The following PSEN2 variants were observed in gnomAD, a reference collection of about 807,000 sequenced individuals.
The protein encoded by PSEN2 is presenilin-2.
In PSEN2, 32 loss-of-function variants were observed where a neutral mutation model predicts 49.1. The observed-to-expected ratio is 0.65, with a 90% CI of 0.49 to 0.88. PSEN2 has a LOEUF of 0.88. Ranked by LOEUF, PSEN2 falls within the 40% of genes least tolerant of loss-of-function variation. PSEN2 has a pLI of 0.00. For synonymous variants in PSEN2, 255 were observed against 244.0 expected, an observed-to-expected ratio of 1.05 and a Z score of -0.42; for missense variants, 522 against 586.9, an observed-to-expected ratio of 0.89 and a Z score of 1.14.
chr1:226,871,580 G>C (rs183557498), intron 2 of PSEN2, among the ~76,000 whole-genome samples, 176 bp downstream of exon 2: 1 of 152,334 alleles, frequency 6.6e-6, no homozygotes, highest in African/African-American at 2.4e-5. Flanking sequence ...GAACCTGAGA[G>C]CATTCCATAG....
chr1:226,894,213 G>C (rs1383713135), intron 12 of PSEN2, 88 bp downstream of exon 12: 2 of 937,516 alleles, frequency 2.1e-6, no homozygotes, highest in East Asian at 4.9e-5. Flanking sequence ...GGATCCCTAG[G>C]GATTTTTCAT....
downstream of PSEN2, among the ~76,000 whole-genome samples, chr1:226,900,154 G>T (rs1435701069): frequency 6.6e-6 from 1 of 152,166 alleles, no homozygotes; most frequent in African/African-American, 2.4e-5. Flanking sequence ...ATGGGCCCCG[G>T]GAGGCAGCAG....
At chr1:226,877,696 G>A (rs1182427705) in intron 3 of PSEN2, among the ~76,000 whole-genome samples, 1 of 152,236 alleles carries the variant, frequency 6.6e-6, no homozygotes, top group Admixed American at 6.5e-5. Context: ...CAGCTTCAGG[G>A]GAGGCCTTGG....
intron 6 of PSEN2, among the ~76,000 whole-genome samples, chr1:226,886,569 GA>G (rs1661377710): frequency 6.6e-6 from 1 of 152,230 alleles, no homozygotes; most frequent in South Asian, 2.1e-4. Flanking sequence ...CGATGGAAAG[GA>G]AATTAAGCTG....
At chr1:226,892,839 T>G (rs1454431208) in intron 11 of PSEN2, among the ~76,000 whole-genome samples, 1 of 152,172 alleles carries the variant, frequency 6.6e-6, no homozygotes, top group Non-Finnish European at 1.5e-5. Context: ...GGCTGCAAAT[T>G]TAGGGCTCCC....
chr1:226,887,884 G>A (rs1661468576), intron 6 of PSEN2, among the ~76,000 whole-genome samples: 1 of 152,178 alleles, frequency 6.6e-6, no homozygotes, highest in African/African-American at 2.4e-5. Flanking sequence ...AGTCCTGTCT[G>A]CATGCGCTGC....
intron 12 of PSEN2, among the ~76,000 whole-genome samples, chr1:226,894,715 AG>A (rs1427977108): frequency 6.6e-6 from 1 of 152,200 alleles, no homozygotes; most frequent in Non-Finnish European, 1.5e-5. Context: ...ACGTTAGAGG[AG>A]GAGGAGCGTC....
chr1:226,877,952 T>C lies in PSEN2; in HGVS notation c.-21+2402T>C, dbSNP rs1261913985. Reference sequence around the variant, plus strand: ...TCACTGTCTAGACCAGGTCACTGTCTAGCGCAGTGTCACATGGAAAGGGTA... The same window carrying C: ...TCACTGTCTAGACCAGGTCACTGTCCAGCGCAGTGTCACATGGAAAGGGTA... On this transcript the variant is annotated intron_variant, in intron 3 of 12. Coordinates refer to ENST00000366783, the MANE Select transcript of PSEN2 (RefSeq NM_000447.3). Among the ~76,000 whole-genome samples, 3 of 152,224 alleles carry C rather than the reference T, an allele frequency of 2.0e-5. No individual in the cohort carries two copies. The East Asian group carries it at 5.8e-4, about 29-fold the overall frequency.
chr1:226,886,986 A>G (rs990595420), intron 6 of PSEN2, among the ~76,000 whole-genome samples: 19 of 152,174 alleles, frequency 1.2e-4, no homozygotes, highest in Admixed American at 7.2e-4. Context: ...GTGACGAGGC[A>G]GGGTTTGAAC....
intron 11 of PSEN2, among the ~76,000 whole-genome samples, chr1:226,892,103 C>T (rs80125697): frequency 0.022 from 3,388 of 152,146 alleles, 83 homozygotes; most frequent in East Asian, 0.075. Flanking sequence ...GTGGGACCCA[C>T]AGGCTAAGGA....
At chr1:226,877,064 A>G (rs1317852174) in intron 3 of PSEN2, among the ~76,000 whole-genome samples, 17 of 152,136 alleles carry the variant, frequency 1.1e-4, no homozygotes, top group Non-Finnish European at 8.8e-5. Context: ...TCATGTGGCA[A>G]TCAAGTAGTG....
chr1:226,886,210 A>G lies in PSEN2; in HGVS notation c.498+531A>G, dbSNP rs113478201. Among the ~76,000 whole-genome samples the G allele has an allele frequency of 4.2e-3, 634 of 152,304 alleles. 4 individuals are homozygous for G. Among genetic ancestry groups the G allele is most frequent in the African/African-American group, 0.013 (559 of 41,558 alleles). ...ACACATTATCCCACTTGAGTTCCTC[A>G]TTGCAGTGTTCCAAGCATCATTTCT... On this transcript the variant is annotated intron_variant, in intron 6 of 12. Transcript: ENST00000366783.
In PSEN2 at chr1:226,888,073, G is replaced by A; in HGVS notation, c.499-18G>A. On this transcript the variant is annotated intron_variant, in intron 6 of 12. Coordinates refer to ENST00000366783, the MANE Select transcript of PSEN2 (RefSeq NM_000447.3). ...GCGCTTGGGGACACCTTGTGATCGT[G>A]CAATTTCTGTTGTCTAGTTCATCCA... is the stretch of plus-strand genomic sequence containing the variant. 1 of 1,608,488 alleles carries A rather than the reference G, an allele frequency of 6.2e-7. No individual in the cohort carries two copies. The highest frequency in any genetic ancestry group is 2.2e-5 in the East Asian group (1 of 44,836).
Position 226,883,707 on chromosome 1 carries a change from A to G in PSEN2, c.144A>G (p.Arg48=). 1 of 1,613,844 alleles carries G rather than the reference A, an allele frequency of 6.2e-7. No individual in the cohort carries two copies. Among genetic ancestry groups the G allele is most frequent in the Non-Finnish European group, 8.5e-7 (1 of 1,179,990 alleles). The change falls in exon 5 of 13, where the codon AGA becomes AGG. Residue 48 remains arginine, a splice_region_variant and synonymous_variant. Coordinates refer to ENST00000366783, the MANE Select transcript of PSEN2 (RefSeq NM_000447.3). The part of the protein sequence containing the change: ...PEDGENTAQW[R]SQENEEDGEE... The stretch of plus-strand genomic sequence containing the variant: ...CCTCACGATGTGGTTTCCCACAGAG[A>G]AGCCAGGAGAACGAGGAGGACGGTG...
At chr1:226,876,548 G>A (rs1660638701) in intron 3 of PSEN2, among the ~76,000 whole-genome samples, 1 of 152,152 alleles carries the variant, frequency 6.6e-6, no homozygotes. Flanking sequence ...TTAGAGAAAT[G>A]CAGAAAAATA....
chr1:226,888,981 C>A lies in PSEN2; in HGVS notation c.719C>A (p.Ala240Asp). The change falls in exon 8 of 13, where the codon GCC (alanine) becomes GAC (aspartate). Residue 240 changes from alanine to aspartate, a missense_variant. Ala to Asp is a moderately radical substitution (Grantham distance 126). Transcript: ENST00000366783. ...AYLIMISALMALVFIKYLPEW... is the reference protein window; with the variant it reads ...AYLIMISALMDLVFIKYLPEW... ...CTCATCATGATCAGTGCGCTCATGG[C>A]CCTAGTGTTCATCAAGTACCTCCCA... 1.2e-6 allele frequency: 2 copies of A among 1,614,138 alleles called. No individual in the cohort carries two copies. Among genetic ancestry groups the A allele is most frequent in the Non-Finnish European group, 1.7e-6 (2 of 1,180,016 alleles).
intron 5 of PSEN2, 106 bp from the exon 6 acceptor site, chr1:226,885,432 A>G: frequency 1.5e-6 from 2 of 1,312,822 alleles, no homozygotes; most frequent in South Asian, 1.3e-5. Flanking sequence ...TGTGGGCAGC[A>G]TGGGCATCCC....
At position 226,875,555 on chromosome 1, in the gene PSEN2, G is replaced by C. The variant is rs1054466525; in HGVS notation, c.-21+5G>C. 4 of 152,346 alleles carry C rather than the reference G, an allele frequency of 2.6e-5. No homozygotes were observed. Among genetic ancestry groups the C allele is most frequent in the Non-Finnish European group, 5.9e-5 (4 of 68,040 alleles). 9.4% of individuals were successfully genotyped at this position (152,346 alleles called of 1,614,324 possible). ...CTGCGGCCCCAAGTGTTCGTGGTAA[G>C]TGCAGTGACTCCCAACCTGCTTTTG... On this transcript the variant is annotated splice_donor_5th_base_variant and intron_variant, in intron 3 of 12. Coordinates refer to ENST00000366783, the MANE Select transcript of PSEN2 (RefSeq NM_000447.3).
intron 6 of PSEN2, among the ~76,000 whole-genome samples, chr1:226,887,752 G>A (rs1661456072): frequency 1.3e-5 from 2 of 152,162 alleles, no homozygotes; most frequent in South Asian, 2.1e-4. Flanking sequence ...CAGAGACTTT[G>A]CTAGCCTTGG....
Sources: allele counts gnomAD v4.1 joint callset (sites outside exome capture counted in the v4.1 genomes callset), GRCh38; gene constraint gnomAD v4.1.1; transcripts MANE v1.5; gene names NCBI Gene and HGNC (gene_info 2026-07-23, HGNC 2026-07-21).